ZNF469: variants seen among roughly 807,000 people sequenced by gnomAD.
ZNF469 encodes zinc finger protein 469.
A neutral mutation model predicts 1.0 loss-of-function variants in ZNF469; 1 was observed. The ratio of observed to expected loss-of-function variants is 1.00; its 90% CI spans 0.35 to 4.73. The LOEUF (loss-of-function observed/expected upper bound fraction) is 4.73. Among genes scored for constraint, ZNF469 ranks in the 30% most tolerant of loss-of-function variants. The pLI is 0.16. For synonymous variants in ZNF469, 2,703 were observed against 2,363.4 expected (o/e 1.14, Z -4.17); for missense variants, 6,100 against 5,356.3 (o/e 1.14, Z -4.33).
At chr16:88,340,933 G>A in the ZNF469 span, among the ~76,000 whole-genome samples, 1 of 151,942 alleles carries the variant, frequency 6.6e-6, no homozygotes, top group Non-Finnish European at 1.5e-5. Context: ...AGAGCCCTGG[G>A]GGTTGGGGTA....
the ZNF469 span, among the ~76,000 whole-genome samples, chr16:88,179,532 G>A: frequency 5.9e-5 from 9 of 152,284 alleles, no homozygotes; most frequent in African/African-American, 2.2e-4. Context: ...CCCGGCCCCA[G>A]GTGTCCCTTG....
chr16:88,260,150 T>C, the ZNF469 span, among the ~76,000 whole-genome samples: 1 of 150,594 alleles, frequency 6.6e-6, no homozygotes, highest in Non-Finnish European at 1.5e-5. The surrounding 1 kb of genome is among the most constrained non-coding windows in gnomAD (Gnocchi z 4.1). Context: ...GCTAGTGTTT[T>C]TTTTTTTTTT....
the ZNF469 span, among the ~76,000 whole-genome samples, chr16:88,203,245 G>C: frequency 6.6e-6 from 1 of 152,168 alleles, no homozygotes; most frequent in South Asian, 2.1e-4. Flanking sequence ...CCACAGGGCT[G>C]CAGCCTTGGA....
chr16:88,247,015 ATGAG>A, the ZNF469 span, among the ~76,000 whole-genome samples: 3 of 148,966 alleles, frequency 2.0e-5, no homozygotes, highest in Non-Finnish European at 3.0e-5. Flanking sequence ...GAGTGAATCA[ATGAG>A]TGAGTGAATG....
At chr16:88,326,989 T>G in the ZNF469 span, among the ~76,000 whole-genome samples, 1 of 152,058 alleles carries the variant, frequency 6.6e-6, no homozygotes, top group East Asian at 1.9e-4. Flanking sequence ...TGTCTGTCTT[T>G]GGTTTGAGCT....
the ZNF469 span, among the ~76,000 whole-genome samples, chr16:88,193,018 GTGGTGGTGATGGTGGTGA>G: frequency 7.2e-6 from 1 of 139,526 alleles, no homozygotes; most frequent in Non-Finnish European, 1.6e-5. Flanking sequence ...GGTGATGGTG[GTGGTGGTGATGGTGGTGA>G]TGGTGGTGGT....
chr16:88,438,231 C>T lies in ZNF469; in HGVS notation c.10761C>T (p.Pro3587=), dbSNP rs886712374. ...RPENEASPGS[P]GPLLQQALPL... ...AGAACGAGGCTTCCCCAGGCAGCCCCGGGCCTCTTCTCCAGCAAGCTCTCC... is the reference window on the plus strand; with the variant it reads ...AGAACGAGGCTTCCCCAGGCAGCCCTGGGCCTCTTCTCCAGCAAGCTCTCC... The change falls in exon 3 of 3, where the codon CCC becomes CCT. Residue 3587 remains proline, a synonymous_variant. Coordinates refer to ENST00000565624, the MANE Select transcript of ZNF469 (RefSeq NM_001367624.2). The T allele has an allele frequency of 7.8e-6, 12 of 1,547,260 alleles. No homozygotes were observed. Among genetic ancestry groups the T allele is most frequent in the Admixed American group, 2.0e-5 (1 of 50,914 alleles).
the ZNF469 span, among the ~76,000 whole-genome samples, chr16:88,305,649 CGCAT>C: frequency 2.0e-5 from 3 of 152,096 alleles, no homozygotes; most frequent in African/African-American, 7.2e-5. Context: ...CAGGCACACA[CGCAT>C]GCACACCTTC....
the ZNF469 span, among the ~76,000 whole-genome samples, chr16:88,209,236 C>T: frequency 6.6e-6 from 1 of 152,162 alleles, no homozygotes; most frequent in Non-Finnish European, 1.5e-5. Flanking sequence ...CTGTGACATA[C>T]ACCGTCTCAT....
chr16:88,172,469 C>A, the ZNF469 span, among the ~76,000 whole-genome samples: 1 of 152,174 alleles, frequency 6.6e-6, no homozygotes, highest in African/African-American at 2.4e-5. Context: ...AAAAGCAAGC[C>A]TCAGAAAGAT....
Position 88,437,072 on chromosome 16 carries a change from T to G in ZNF469, c.9602T>G (p.Phe3201Cys). 6.5e-7 allele frequency: 1 copy of G among 1,541,670 alleles called. No individual in the cohort carries two copies. The highest frequency in any genetic ancestry group is 1.2e-5 in the South Asian group (1 of 83,874). The change falls in exon 3 of 3, where the codon TTC becomes TGC. Residue 3201 changes from phenylalanine (F) to cysteine (C), a missense_variant. Coordinates refer to ENST00000565624, the MANE Select transcript of ZNF469 (RefSeq NM_001367624.2). ...CACCTGCGTGAGCACGCGGTCCGCT[T>G]CGCCCGCAGGGGGCAGGCGCGGAGG... ...NEHLREHAVR[F>C]ARRGQARRSL...
the ZNF469 span, among the ~76,000 whole-genome samples, chr16:88,284,451 A>G: frequency 1.3e-5 from 2 of 152,080 alleles, no homozygotes; most frequent in Non-Finnish European, 2.9e-5. Flanking sequence ...CCCCATCTCT[A>G]CAAAAAAATA....
chr16:88,373,885 T>C, the ZNF469 span, among the ~76,000 whole-genome samples: 9 of 151,824 alleles, frequency 5.9e-5, no homozygotes, highest in African/African-American at 1.7e-4. Context: ...TAATCCCAGA[T>C]ACTTGGGAGG....
At chr16:88,242,213 A>G in the ZNF469 span, among the ~76,000 whole-genome samples, 2 of 152,162 alleles carry the variant, frequency 1.3e-5, no homozygotes, top group African/African-American at 4.8e-5. Context: ...ACTGGGCCCT[A>G]AGGTTCAAGG....
intron 1 of ZNF469, among the ~76,000 whole-genome samples, chr16:88,395,288 TGG>T (rs1904626419): frequency 1.1e-5 from 1 of 89,192 alleles, no homozygotes; most frequent in African/African-American, 4.6e-5. Flanking sequence ...GATGGATGGG[TGG>T]ATGGATTGAT....
the ZNF469 span, among the ~76,000 whole-genome samples, chr16:88,227,305 G>T: frequency 3.3e-5 from 5 of 152,194 alleles, no homozygotes; most frequent in African/African-American, 1.2e-4. Context: ...GAGAGGAAGC[G>T]GGGAAGGGGG....
the ZNF469 span, among the ~76,000 whole-genome samples, chr16:88,135,270 C>T: frequency 5.3e-5 from 8 of 152,266 alleles, no homozygotes; most frequent in South Asian, 2.1e-4. Context: ...CAGTCTCCCC[C>T]GAGGAATCCT....
At chr16:88,175,064 C>A in the ZNF469 span, among the ~76,000 whole-genome samples, 1 of 152,114 alleles carries the variant, frequency 6.6e-6, no homozygotes, top group Non-Finnish European at 1.5e-5. Flanking sequence ...GGAGAAATTT[C>A]TTCTTTCCTT....
chr16:88,157,095 C>T, the ZNF469 span, among the ~76,000 whole-genome samples: 1 of 152,224 alleles, frequency 6.6e-6, no homozygotes, highest in Admixed American at 6.5e-5. Context: ...CTCCCCTCTG[C>T]AGGGCTCCTG....
Sources: allele counts gnomAD v4.1 joint callset (sites outside exome capture counted in the v4.1 genomes callset), GRCh38; gene constraint gnomAD v4.1.1; non-coding constraint Gnocchi (gnomAD v3.1); transcripts MANE v1.5; gene names NCBI Gene and HGNC (gene_info 2026-07-23, HGNC 2026-07-21).